The following CPT1C variants were observed in gnomAD, a reference collection of about 807,000 sequenced individuals.
CPT1C encodes carnitine palmitoyltransferase 1C, also known as palmitoyl thioesterase CPT1C.
A neutral mutation model predicts 97.3 loss-of-function variants in CPT1C; 61 were observed. That is an observed-to-expected ratio of 0.63 (90% CI 0.51 to 0.78). CPT1C has a LOEUF of 0.78. CPT1C is among the 30% of genes least tolerant of loss of function. CPT1C has a pLI of 0.00. For missense variants in CPT1C, 975 were observed against 1,065.5 expected (o/e 0.92, Z 1.18); for synonymous variants, 469 against 447.2 (o/e 1.05, Z -0.61).
chr19:49,702,576 C>T (rs1210780845), intron 7 of CPT1C, among the ~76,000 whole-genome samples: 7 of 149,930 alleles, frequency 4.7e-5, no homozygotes, highest in East Asian at 2.0e-4. Flanking sequence ...ACTGAGATCG[C>T]GCCACTGCAC....
At chr19:49,712,070 C>CGGT in intron 17 of CPT1C, 109 bp downstream of exon 17, 1 of 1,327,442 alleles carries the variant, frequency 7.5e-7, no homozygotes, top group Non-Finnish European at 1.0e-6. Context: ...AGGCCGGGCA[C>CGGT]GGTGGCTCAC....
In CPT1C at chr19:49,706,261, G is replaced by A; in HGVS notation, c.1191G>A (p.Leu397=). ...RGTWAQVRTS[L]KTQAAEALEA... ...CGTGGGCCCAGGTGCGGACATCCCT[G>A]AAGACCCAGGCAGCGGAGGCCCTGG... Residue 397 remains leucine, a synonymous_variant, in exon 12 of 20, where the codon CTG becomes CTA. Coordinates refer to ENST00000598293, the MANE Select transcript of CPT1C (RefSeq NM_001199753.2). The surrounding 1 kb of genome is among the most constrained non-coding windows in gnomAD (Gnocchi z 4.8). 1 of 1,541,676 alleles carries A rather than the reference G, an allele frequency of 6.5e-7. No individual in the cohort carries two copies. The highest frequency in any genetic ancestry group is 8.7e-7 in the Non-Finnish European group (1 of 1,147,152).
chr19:49,700,105 G>A (rs1010532756), intron 4 of CPT1C, among the ~76,000 whole-genome samples: 8 of 151,550 alleles, frequency 5.3e-5, no homozygotes, highest in Admixed American at 1.3e-4. Flanking sequence ...CAAATAGCCG[G>A]GCGTGGTGGT....
At chr19:49,711,260 A>AT (rs34561432) in intron 16 of CPT1C, 35,226 of 135,306 alleles carry the variant, frequency 0.26, 4,890 homozygotes, top group Admixed American at 0.38. Flanking sequence ...TGCCCAGCTA[A>AT]TTTTTTTTTT....
At chr19:49,699,843 ACTC>A (rs2082897486) in intron 4 of CPT1C, among the ~76,000 whole-genome samples, 2 of 151,938 alleles carry the variant, frequency 1.3e-5, no homozygotes, top group Non-Finnish European at 2.9e-5. Context: ...AGTCCCAGCT[ACTC>A]GGGAGGCTGA....
Position 49,713,636 on chromosome 19 carries a change from G to C in CPT1C, c.*31G>C, listed in dbSNP as rs367593388. Reference sequence around the variant, plus strand: ...TCCAGCAGGCAGCTGGCCTCTCCAAGGAATAAGGGTGAAATTGCCACAGCT... The same window carrying C: ...TCCAGCAGGCAGCTGGCCTCTCCAACGAATAAGGGTGAAATTGCCACAGCT... On this transcript the variant is annotated 3_prime_UTR_variant, in exon 20 of 20. Transcript: ENST00000598293. 112 of 1,576,740 alleles carry C rather than the reference G, an allele frequency of 7.1e-5. No individual in the cohort carries two copies. In the African/African-American group the frequency reaches 1.2e-3, roughly 17 times the overall value.
At chr19:49,708,327 G>A (rs2083634963) in intron 13 of CPT1C, among the ~76,000 whole-genome samples, 1 of 150,910 alleles carries the variant, frequency 6.6e-6, no homozygotes, top group African/African-American at 2.4e-5. Context: ...TACAAAAAAC[G>A]TTAAAAAAAA....
Position 49,706,398 on chromosome 19 carries a change from GC to G in CPT1C, c.1330del (p.Arg444GlyfsTer13). ...LDAYAHALLA[G>X]RGHDRWFDKS... ...GCCTACGCCCATGCTCTGCTGGCCG[GC>G]CGGGGCCATGATCGGTGAGTGAGTC... On this transcript the variant is annotated frameshift_variant, in exon 12 of 20. Coordinates refer to ENST00000598293, the MANE Select transcript of CPT1C (RefSeq NM_001199753.2). LOFTEE classifies it high-confidence loss of function. The surrounding 1 kb of genome is among the most constrained non-coding windows in gnomAD (Gnocchi z 4.8). 1 of 1,489,222 alleles carries G rather than the reference GC, an allele frequency of 6.7e-7. No homozygotes were observed. Among genetic ancestry groups the G allele is most frequent in the Non-Finnish European group, 8.9e-7 (1 of 1,126,880 alleles). 92.3% of individuals were successfully genotyped at this position (1,489,222 alleles called of 1,614,324 possible).
Position 49,705,029 on chromosome 19 carries a change from C to T in CPT1C, c.794C>T (p.Thr265Met), listed in dbSNP as rs763153595. 8.1e-6 allele frequency: 13 copies of T among 1,604,352 alleles called. No individual in the cohort carries two copies. The highest frequency in any genetic ancestry group is 3.3e-5 in the South Asian group (3 of 90,562). ...CAGGACTTCCTGTATGTCACACCCACGCCTCTGCAGGCAGCTCGCGCTGGG... is the reference window on the plus strand; with the variant it reads ...CAGGACTTCCTGTATGTCACACCCATGCCTCTGCAGGCAGCTCGCGCTGGG... ...YMMDFLYVTP[T>M]PLQAARAGNA... Residue 265 changes from threonine (T) to methionine (M), a missense_variant, in exon 9 of 20, where the codon ACG (threonine) becomes ATG (methionine). By Grantham distance (81) the Thr-to-Met change is moderately conservative. Around this residue, in one of 3 missense-constraint regions of CPT1C, gnomAD observed 596 missense variants for 603.1 expected, o/e 0.99. Transcript: ENST00000598293.
At chr19:49,711,569 G>A (rs1179215459) in intron 16 of CPT1C, 2 of 554,540 alleles carry the variant, frequency 3.6e-6, no homozygotes, top group Non-Finnish European at 6.4e-6. Context: ...GTGGTTCCAT[G>A]GAAGGAGTTT....
At chr19:49,700,909 C>G in intron 5 of CPT1C, 54 bp downstream of exon 5, 1 of 1,577,360 alleles carries the variant, frequency 6.3e-7, no homozygotes, top group South Asian at 1.1e-5. Flanking sequence ...CTTATCTATT[C>G]CCCTCTCTCT....
In CPT1C at chr19:49,697,414, T is replaced by C; in HGVS notation, c.230T>C (p.Leu77Pro). The change falls in exon 4 of 20, where the codon CTG becomes CCG. Residue 77 changes from leucine (L) to proline (P), a missense_variant. Coordinates refer to ENST00000598293, the MANE Select transcript of CPT1C (RefSeq NM_001199753.2). ...ATCCAGCTTGCCTGGTTCCTCCAGC[T>C]GGATCCTTCCTTAGGACTGATGGAG... ...SAIQLAWFLQ[L>P]DPSLGLMEKI... 1 of 1,614,210 alleles carries C rather than the reference T, an allele frequency of 6.2e-7. No homozygotes were observed. Among genetic ancestry groups the C allele is most frequent in the Non-Finnish European group, 8.5e-7 (1 of 1,180,030 alleles).
chr19:49,699,681 G>A (rs2082885478), intron 4 of CPT1C, among the ~76,000 whole-genome samples: 1 of 152,090 alleles, frequency 6.6e-6, no homozygotes, highest in Admixed American at 6.6e-5. Flanking sequence ...ATGGCCAGGT[G>A]CTGTGGCTCA....
intron 7 of CPT1C, among the ~76,000 whole-genome samples, chr19:49,701,953 A>AATTTATAATATTT (rs1555779010): frequency 1.3e-5 from 1 of 78,192 alleles, no homozygotes; most frequent in Admixed American, 2.0e-4. Flanking sequence ...TTTATATATA[A>AATTTATAATATTT]ATATATTTAT....
At chr19:49,698,420 T>G (rs995312467) in intron 4 of CPT1C, among the ~76,000 whole-genome samples, 2 of 151,848 alleles carry the variant, frequency 1.3e-5, no homozygotes, top group Non-Finnish European at 2.9e-5. Flanking sequence ...CCCAGCACTT[T>G]GGGAGGCCGA....
At chr19:49,691,071 T>C (rs1407599138), upstream of CPT1C, 1 of 151,424 alleles carries the variant, frequency 6.6e-6, no homozygotes, top group Non-Finnish European at 1.5e-5. Context: ...GGGGCGGGGA[T>C]AGAACGCGGG....
At chr19:49,704,832 T>TG in intron 8 of CPT1C, 45 bp downstream of exon 8, 3 of 1,572,296 alleles carry the variant, frequency 1.9e-6, no homozygotes, top group South Asian at 1.1e-5. Flanking sequence ...GGTCTAGGGT[T>TG]GGGGGGTACC....
In CPT1C at chr19:49,699,823, G is replaced by A. The variant is rs930266670; in HGVS notation, c.282-861G>A. ...CAAAAAATTAGCTGGGCGTGGTGGCGGGCGCCTGCAGTCCCAGCTACTCGG... is the reference window on the plus strand; with the variant it reads ...CAAAAAATTAGCTGGGCGTGGTGGCAGGCGCCTGCAGTCCCAGCTACTCGG... On this transcript the variant is annotated intron_variant, in intron 4 of 19. Transcript: ENST00000598293. Among the ~76,000 whole-genome samples the A allele has an allele frequency of 4.0e-5, 6 of 151,852 alleles. No homozygotes were observed. In the East Asian group the frequency reaches 9.7e-4, roughly 24 times the overall value.
At chr19:49,697,002 A>G (rs2082711135) in intron 3 of CPT1C, among the ~76,000 whole-genome samples, 1 of 152,106 alleles carries the variant, frequency 6.6e-6, no homozygotes, top group Non-Finnish European at 1.5e-5. Context: ...GAGCCACCAC[A>G]TCCGGACTGT....
Sources: allele counts gnomAD v4.1 joint callset (sites outside exome capture counted in the v4.1 genomes callset), GRCh38; gene constraint gnomAD v4.1.1; regional missense constraint gnomAD v4.1.1; non-coding constraint Gnocchi (gnomAD v3.1); transcripts MANE v1.5; gene names NCBI Gene and HGNC (gene_info 2026-07-23, HGNC 2026-07-21).